The following ADGRL2 variants were observed in gnomAD, a reference collection of about 807,000 sequenced individuals.
The protein encoded by ADGRL2 is calcium-independent alpha-latrotoxin receptor 2.
A neutral mutation model predicts 157.4 loss-of-function variants in ADGRL2; 44 were observed. That is an observed-to-expected ratio of 0.28 (90% confidence interval 0.22 to 0.36). ADGRL2 has a LOEUF of 0.36. Ranked by LOEUF, ADGRL2 falls within the 10% of genes least tolerant of loss-of-function variation. ADGRL2 has a pLI of 1.00. For synonymous variants in ADGRL2, 585 were observed against 624.7 expected (o/e 0.94, Z 0.95); for missense variants, 1,510 against 1,768.9 (o/e 0.85, Z 2.63).
intron 1 of ADGRL2, among the ~76,000 whole-genome samples, chr1:81,341,833 T>C (rs1662096637): frequency 6.6e-6 from 1 of 152,196 alleles, no homozygotes; most frequent in South Asian, 2.1e-4. Context: ...TAAATGCTAG[T>C]AACTGCATTT....
chr1:81,775,291 T>C (rs1398223579), intron 2 of ADGRL2, among the ~76,000 whole-genome samples: 1 of 152,234 alleles, frequency 6.6e-6, no homozygotes, highest in South Asian at 2.1e-4. Context: ...GGTCTTTGTG[T>C]CTACTCATAG....
chr1:81,480,056 A>AT (rs2147872881), intron 2 of ADGRL2, among the ~76,000 whole-genome samples: 1 of 152,322 alleles, frequency 6.6e-6, no homozygotes, highest in African/African-American at 2.4e-5. Context: ...ATAGCTGATG[A>AT]TAGAAGAGGG....
At chr1:81,343,826 C>G (rs1662265360) in intron 1 of ADGRL2, among the ~76,000 whole-genome samples, 1 of 152,164 alleles carries the variant, frequency 6.6e-6, no homozygotes, top group Non-Finnish European at 1.5e-5. Flanking sequence ...TTTAGGACCT[C>G]GTCTGAACCT....
chr1:81,892,497 A>G (rs1345143175), intron 2 of ADGRL2, among the ~76,000 whole-genome samples: 1 of 152,124 alleles, frequency 6.6e-6, no homozygotes, highest in Non-Finnish European at 1.5e-5. Flanking sequence ...GTGATAAGCC[A>G]TAAGAATTGT....
chr1:81,332,835 G>T (rs1448560031), intron 1 of ADGRL2, among the ~76,000 whole-genome samples: 8 of 152,148 alleles, frequency 5.3e-5, no homozygotes, highest in African/African-American at 7.2e-5. Context: ...CATGAGTTCA[G>T]TTTTTGTGTT....
At chr1:81,794,920 CAAAT>C (rs1360544606) in intron 2 of ADGRL2, among the ~76,000 whole-genome samples, 1 of 151,870 alleles carries the variant, frequency 6.6e-6, no homozygotes, top group African/African-American at 2.4e-5. Flanking sequence ...ATGTGCATGA[CAAAT>C]AAAGGCCTTT....
chr1:81,350,941 T>G (rs1239631244), intron 1 of ADGRL2, among the ~76,000 whole-genome samples: 2 of 152,210 alleles, frequency 1.3e-5, no homozygotes, highest in Non-Finnish European at 2.9e-5. Flanking sequence ...TAGGCAGTGC[T>G]CATATGTTTT....
chr1:81,739,653 T>C (rs2085010865), intron 1 of ADGRL2, among the ~76,000 whole-genome samples: 2 of 152,164 alleles, frequency 1.3e-5, no homozygotes, highest in Non-Finnish European at 2.9e-5. Flanking sequence ...AGCAGATAAA[T>C]TGAGCAAGAG....
chr1:81,884,177 G>C (rs2094066408), intron 2 of ADGRL2, among the ~76,000 whole-genome samples: 1 of 151,908 alleles, frequency 6.6e-6, no homozygotes, highest in Non-Finnish European at 1.5e-5. Flanking sequence ...GTAGAGACGG[G>C]GTTTTGCCAC....
chr1:81,822,344 C>G (rs2091072043), intron 1 of ADGRL2, among the ~76,000 whole-genome samples: 1 of 151,362 alleles, frequency 6.6e-6, no homozygotes, highest in Non-Finnish European at 1.5e-5. Context: ...GGAAGGCTAC[C>G]TTGTTAAGAA....
intron 1 of ADGRL2, among the ~76,000 whole-genome samples, chr1:81,802,733 C>A (rs1294090494): frequency 6.6e-6 from 1 of 152,128 alleles, no homozygotes; most frequent in Non-Finnish European, 1.5e-5. Context: ...TCCGGTCCCG[C>A]ACTGTAAGTG....
chr1:81,984,847 G>T, intron 20 of ADGRL2, 136 bp downstream of exon 20: 1 of 953,390 alleles, frequency 1.0e-6, no homozygotes, highest in South Asian at 2.0e-5. Context: ...TTAGTATTTT[G>T]GTTTCAATGT....
intron 1 of ADGRL2, among the ~76,000 whole-genome samples, chr1:81,383,199 T>A (rs1250341599): frequency 6.6e-6 from 1 of 152,226 alleles, no homozygotes; most frequent in Non-Finnish European, 1.5e-5. Flanking sequence ...AACGTTATTC[T>A]AAATGGAAAA....
At chr1:81,467,212 T>C (rs2078075291) in intron 2 of ADGRL2, among the ~76,000 whole-genome samples, 1 of 152,168 alleles carries the variant, frequency 6.6e-6, no homozygotes, top group African/African-American at 2.4e-5. Flanking sequence ...AATGCAGCCG[T>C]GGCTTTGAGA....
chr1:81,950,424 G>A lies in ADGRL2; in HGVS notation c.1446G>A (p.Lys482=), dbSNP rs532073787. The change falls in exon 7 of 24, where the codon AAG becomes AAA. Residue 482 remains lysine (K), a synonymous_variant. Coordinates refer to ENST00000686636, the MANE Select transcript of ADGRL2 (RefSeq NM_001366006.2). The part of the protein sequence containing the change: ...FCEALDSKGI[K]WPQTQRGMMV... The stretch of plus-strand genomic sequence containing the variant: ...AAGCATTAGACTCCAAGGGGATAAA[G>A]TGGCCTCAGACACAAAGGGGAATGA... The A allele has an allele frequency of 1.9e-5, 31 of 1,614,050 alleles. No homozygotes were observed. The South Asian group carries it at 2.6e-4, about 14-fold the overall frequency.
intron 1 of ADGRL2, among the ~76,000 whole-genome samples, chr1:81,329,129 T>G (rs1231371222): frequency 6.6e-6 from 1 of 152,172 alleles, no homozygotes; most frequent in Non-Finnish European, 1.5e-5. Flanking sequence ...GTCTAACTGC[T>G]CTGCCACTCT....
intron 3 of ADGRL2, among the ~76,000 whole-genome samples, chr1:81,613,812 T>G (rs1448925822): frequency 6.6e-6 from 1 of 152,212 alleles, no homozygotes; most frequent in African/African-American, 2.4e-5. Context: ...TTTTCTGAGC[T>G]AAATGACTTT....
chr1:81,962,854 T>A (rs910736937), intron 11 of ADGRL2, among the ~76,000 whole-genome samples: 1 of 152,188 alleles, frequency 6.6e-6, no homozygotes, highest in Non-Finnish European at 1.5e-5. Flanking sequence ...TGTTAATATC[T>A]GTTGAGTCTT....
chr1:81,356,952 C>CAAAAAAAAAAAAAAAAAAAAAAAAAAAA (rs757239865), intron 1 of ADGRL2, among the ~76,000 whole-genome samples: 7 of 55,672 alleles, frequency 1.3e-4, no homozygotes, highest in African/African-American at 5.2e-4. Flanking sequence ...GACTCCGTCT[C>CAAAAAAAAAAAAAAAAAAAAAAAAAAAA]AAAAAAAAAA....
Sources: gnomAD v4.1 joint callset for allele counts (sites outside exome capture counted in the v4.1 genomes callset) on GRCh38, gnomAD v4.1.1 for gene constraint, MANE v1.5 for transcripts, NCBI Gene and HGNC (gene_info 2026-07-23, HGNC 2026-07-21) for gene names.